RMDN1: variants seen among roughly 807,000 people sequenced by gnomAD.
RMDN1 encodes the protein regulator of microtubule dynamics 1.
In RMDN1, 48 loss-of-function variants were observed where a neutral mutation model predicts 48.9. That is an observed-to-expected ratio of 0.98 (90% CI 0.78 to 1.25). RMDN1 has a LOEUF of 1.25. Among genes scored for constraint, RMDN1 ranks in the 50% most tolerant of loss-of-function variants. The probability of loss-of-function intolerance (pLI) is 0.00; values close to 1 mark genes in which losing one functional copy is unlikely to be tolerated. For synonymous variants in RMDN1, 148 were observed against 132.6 expected, an observed-to-expected ratio of 1.12 and a Z score of -0.80; for missense variants, 418 against 373.4, an observed-to-expected ratio of 1.12 and a Z score of -0.98.
At chr8:86,509,489 C>T (rs1302870667), upstream of RMDN1, among the ~76,000 whole-genome samples, 1 of 151,942 alleles carries the variant, frequency 6.6e-6, no homozygotes, top group Non-Finnish European at 1.5e-5. Flanking sequence ...AAAGGGAGTA[C>T]CTACTATATG....
upstream of RMDN1, among the ~76,000 whole-genome samples, chr8:86,513,052 G>T: frequency 6.8e-6 from 1 of 148,026 alleles, no homozygotes. Context: ...TTTTTCTATT[G>T]GGTGTTTTTT....
chr8:86,483,274 C>G (rs1177580886), intron 5 of RMDN1, among the ~76,000 whole-genome samples: 1 of 151,844 alleles, frequency 6.6e-6, no homozygotes, highest in African/African-American at 2.4e-5. Context: ...TAATCTATAA[C>G]CTTCACTGTT....
chr8:86,512,322 A>G (rs1820085344), upstream of RMDN1, among the ~76,000 whole-genome samples: 1 of 152,228 alleles, frequency 6.6e-6, no homozygotes, highest in African/African-American at 2.4e-5. Context: ...ATGTGAAAGT[A>G]GAATCAAAAA....
At chr8:86,501,990 A>G (rs908622186) in intron 2 of RMDN1, among the ~76,000 whole-genome samples, 8 of 152,078 alleles carry the variant, frequency 5.3e-5, no homozygotes, top group African/African-American at 1.9e-4. Flanking sequence ...ATAATCACAG[A>G]TAAATGAAAT....
chr8:86,483,163 G>A (rs1275185577), intron 5 of RMDN1, among the ~76,000 whole-genome samples: 3 of 152,180 alleles, frequency 2.0e-5, no homozygotes, highest in Admixed American at 6.5e-5. Flanking sequence ...AATTTGAAAT[G>A]TAAGCAGTAT....
chr8:86,468,887 T>A (rs1019622942), downstream of RMDN1, among the ~76,000 whole-genome samples: 1 of 152,090 alleles, frequency 6.6e-6, no homozygotes, highest in Non-Finnish European at 1.5e-5. Context: ...CCCTTCCCAT[T>A]CCTGTTCTGT....
intron 2 of RMDN1, among the ~76,000 whole-genome samples, chr8:86,501,066 A>G (rs1414846437): frequency 6.6e-6 from 1 of 152,194 alleles, no homozygotes; most frequent in Admixed American, 6.5e-5. Context: ...GGCAGGAGGT[A>G]GGCGAGTGTC....
Position 86,478,968 on chromosome 8 carries a change from A to T in RMDN1, c.684T>A (p.Ile228=). ...FAEMPWYQRR[I]AKMLFATPPS... Reference sequence around the variant, plus strand: ...GAGGAGTTGCAAACAGCATTTTAGCAATTCTTCTTTGATACCAAGGCATTT... The same window carrying T: ...GAGGAGTTGCAAACAGCATTTTAGCTATTCTTCTTTGATACCAAGGCATTT... Residue 228 remains isoleucine, a synonymous_variant, in exon 7 of 10, where the codon ATT becomes ATA. Transcript: ENST00000406452. 1 of 1,614,040 alleles carries T rather than the reference A, an allele frequency of 6.2e-7. No homozygotes were observed. Among genetic ancestry groups the T allele is most frequent in the Non-Finnish European group, 8.5e-7 (1 of 1,179,928 alleles).
chr8:86,503,191 A>C (rs1818572963), intron 2 of RMDN1, among the ~76,000 whole-genome samples: 1 of 152,000 alleles, frequency 6.6e-6, no homozygotes, highest in Admixed American at 6.6e-5. Context: ...GTCTCTACTA[A>C]AAATACAAAA....
At chr8:86,493,749 T>G (rs970002908) in intron 2 of RMDN1, among the ~76,000 whole-genome samples, 7 of 152,222 alleles carry the variant, frequency 4.6e-5, no homozygotes, top group Admixed American at 1.3e-4. Flanking sequence ...CACACAAACT[T>G]TGTTTCATGC....
chr8:86,480,370 C>G lies in RMDN1; in HGVS notation c.586-38G>C, dbSNP rs752429733. 17 of 1,192,380 alleles carry G rather than the reference C, an allele frequency of 1.4e-5. 1 individual carries two copies. In the South Asian group the frequency reaches 2.5e-4, roughly 17 times the overall value. The allele number at this position is 1,192,380 out of a possible 1,614,324, so 73.9% of individuals were successfully genotyped here. On this transcript the variant is annotated intron_variant, in intron 5 of 9. Coordinates refer to ENST00000406452, the MANE Select transcript of RMDN1 (RefSeq NM_016033.3). ...GAGAAAAATAAATCATATTTGTTTT[C>G]TAAACACCAATAAGTGCTTTACTGT... is the stretch of plus-strand genomic sequence containing the variant.
intron 2 of RMDN1, among the ~76,000 whole-genome samples, chr8:86,502,900 G>T (rs1818503401): frequency 6.6e-6 from 1 of 152,094 alleles, no homozygotes; most frequent in South Asian, 2.1e-4. Context: ...ATTCTTCTTA[G>T]GTTAAGGGCT....
In RMDN1 at chr8:86,485,156, C is replaced by T. The variant is rs149869479; in HGVS notation, c.496-195G>A. ...CTAGAAACTCAGGAATAGGGTTGGG[C>T]GCAGTGGCTCACGCCTGTAACAGTA... is the stretch of plus-strand genomic sequence containing the variant. On this transcript the variant is annotated intron_variant, in intron 4 of 9. Coordinates refer to ENST00000406452, the MANE Select transcript of RMDN1 (RefSeq NM_016033.3). Among the ~76,000 whole-genome samples, 17 of 152,280 alleles carry T rather than the reference C, an allele frequency of 1.1e-4. No homozygotes were observed. The East Asian group carries it at 1.5e-3, about 14-fold the overall frequency.
rs779210519 is a variant in RMDN1 at position 86,474,266 on chromosome 8, C to A, written c.*42G>T. 6.2e-7 allele frequency: 1 copy of A among 1,608,954 alleles called. No individual in the cohort carries two copies. ...TTAAGTTTAGAATTAAAAGAAAAGGCAATGTTTATTAGCTATTTCATAAAT... is the reference window on the plus strand; with the variant it reads ...TTAAGTTTAGAATTAAAAGAAAAGGAAATGTTTATTAGCTATTTCATAAAT... On this transcript the variant is annotated 3_prime_UTR_variant, in exon 10 of 10. Transcript: ENST00000406452.
rs200012220 is a variant in RMDN1, at chr8:86,486,567, C to T, written c.412G>A (p.Glu138Lys). Residue 138 changes from glutamate (E) to lysine (K), a missense_variant, in exon 4 of 10, where the codon GAG becomes AAG. Coordinates refer to ENST00000406452, the MANE Select transcript of RMDN1 (RefSeq NM_016033.3). ...VAQLSRTSEE[E>K]KKLLVYEALE... ...GCTTCATACACCAATAGCTTTTTCT[C>T]CTCTTCTGAGGTTCTGCTAAGCTGA... 6.2e-6 allele frequency: 10 copies of T among 1,612,714 alleles called. No individual in the cohort carries two copies. The highest frequency in any genetic ancestry group is 5.3e-5 in the African/African-American group (4 of 74,998).
chr8:86,511,708 AGG>A (rs1820051952), upstream of RMDN1, among the ~76,000 whole-genome samples: 1 of 151,118 alleles, frequency 6.6e-6, no homozygotes, highest in Non-Finnish European at 1.5e-5. Flanking sequence ...CTACTGGCTG[AGG>A]TGGGAGGATC....
chr8:86,506,743 T>C (rs1438974879), intron 2 of RMDN1, among the ~76,000 whole-genome samples: 2 of 152,130 alleles, frequency 1.3e-5, no homozygotes, highest in Non-Finnish European at 2.9e-5. Flanking sequence ...AAAATGCACA[T>C]AGCTATGGAG....
In RMDN1 at chr8:86,493,360, A is replaced by G. The variant is rs2130984736; in HGVS notation, c.248-4721T>C. 2.6e-5 allele frequency among the ~76,000 whole-genome samples: 4 copies of G among 152,320 alleles called. No individual in the cohort carries two copies. The Middle Eastern group carries it at 0.014, about 518-fold the overall frequency. On this transcript the variant is annotated intron_variant, in intron 2 of 9. Coordinates refer to ENST00000406452, the MANE Select transcript of RMDN1 (RefSeq NM_016033.3). ...GAACTGAAATCAGTATGTCAAAGAGATATTTGTACTGCCACATTCACTAAG... is the reference window on the plus strand; with the variant it reads ...GAACTGAAATCAGTATGTCAAAGAGGTATTTGTACTGCCACATTCACTAAG...
chr8:86,510,862 C>T (rs1820018265), upstream of RMDN1, among the ~76,000 whole-genome samples: 1 of 152,148 alleles, frequency 6.6e-6, no homozygotes, highest in Admixed American at 6.5e-5. Context: ...GTGGCTCACA[C>T]CTGTAATCCC....
Sources: allele counts gnomAD v4.1 joint callset (sites outside exome capture counted in the v4.1 genomes callset), GRCh38; gene constraint gnomAD v4.1.1; transcripts MANE v1.5; gene names NCBI Gene and HGNC (gene_info 2026-07-23, HGNC 2026-07-21).